Variants in FOCAD observed in about 807,000 individuals in gnomAD.
FOCAD encodes the protein focadhesin.
A neutral mutation model predicts 225.6 loss-of-function variants in FOCAD; 198 were observed. The observed-to-expected ratio is 0.88, with a 90% CI of 0.78 to 0.99. The LOEUF is 0.99. Among genes scored for constraint, FOCAD ranks in the 50% least tolerant of loss-of-function variants. The probability of loss-of-function intolerance (pLI) is 0.00; values close to 1 mark genes in which losing one functional copy is unlikely to be tolerated. For synonymous variants in FOCAD, 897 were observed against 755.0 expected, an observed-to-expected ratio of 1.19 and a Z score of -3.08; for missense variants, 2,713 against 2,123.6, an observed-to-expected ratio of 1.28 and a Z score of -5.46.
In FOCAD at chr9:20,974,715, A is replaced by G. The variant is rs955846117; in HGVS notation, c.4133-1705A>G. Reference sequence around the variant, plus strand: ...ATGGCCTCTGCTTCTCCTTTTTCCTATGTTTCTCCTTTCTGTAGCTGTTTT... The same window carrying G: ...ATGGCCTCTGCTTCTCCTTTTTCCTGTGTTTCTCCTTTCTGTAGCTGTTTT... On this transcript the variant is annotated intron_variant, in intron 35 of 43. Transcript: ENST00000338382. Among the ~76,000 whole-genome samples the G allele has an allele frequency of 5.7e-4, 78 of 137,178 alleles. 1 individual carries two copies. Among genetic ancestry groups the G allele is most frequent in the African/African-American group, 2.1e-3 (73 of 35,182 alleles). 90.0% of individuals were successfully genotyped at this position (137,178 alleles called of 152,430 possible).
intron 5 of FOCAD, among the ~76,000 whole-genome samples, chr9:20,756,387 T>A (rs1186556874): frequency 6.6e-6 from 1 of 152,192 alleles, no homozygotes; most frequent in African/African-American, 2.4e-5. Context: ...ATAGATCTAA[T>A]GTACTCTTCT....
At chr9:20,704,478 A>G (rs1273070693) in intron 1 of FOCAD, among the ~76,000 whole-genome samples, 2 of 152,168 alleles carry the variant, frequency 1.3e-5, no homozygotes, top group Non-Finnish European at 2.9e-5. Context: ...TAAACTTGTA[A>G]TCAGTCTATA....
At chr9:20,789,700 A>C (rs758966305) in intron 11 of FOCAD, 92 bp downstream of exon 11, 20 of 1,464,692 alleles carry the variant, frequency 1.4e-5, no homozygotes, top group South Asian at 5.2e-5. Context: ...TTTGCATCAG[A>C]GTTTTAAATT....
At chr9:20,982,538 G>T in intron 39 of FOCAD, 92 bp downstream of exon 39, 1 of 1,042,758 alleles carries the variant, frequency 9.6e-7, no homozygotes, top group Admixed American at 2.0e-5. Flanking sequence ...AGCAAGTTTT[G>T]CTTCATTTTT....
At chr9:20,961,437 C>A (rs570400894) in intron 35 of FOCAD, among the ~76,000 whole-genome samples, 5 of 152,190 alleles carry the variant, frequency 3.3e-5, no homozygotes, top group African/African-American at 1.2e-4. Flanking sequence ...TTTGTACTAT[C>A]CCCAGCCCTG....
intron 11 of FOCAD, among the ~76,000 whole-genome samples, chr9:20,808,500 A>G (rs1400155557): frequency 6.6e-6 from 1 of 152,210 alleles, no homozygotes; most frequent in Non-Finnish European, 1.5e-5. Context: ...TTGCCTAGAA[A>G]GGGGCAGACA....
intron 21 of FOCAD, 129 bp downstream of exon 21, chr9:20,885,359 A>G: frequency 1.1e-6 from 1 of 909,706 alleles, no homozygotes; most frequent in South Asian, 4.4e-5. Context: ...GGCCACCAAA[A>G]TAGTTGACCC....
At chr9:20,676,439 T>C (rs1764162257) in intron 2 of FOCAD, among the ~76,000 whole-genome samples, 1 of 152,186 alleles carries the variant, frequency 6.6e-6, no homozygotes, top group South Asian at 2.1e-4. Flanking sequence ...GAAAATTAGC[T>C]TGTGTGGCAG....
intron 2 of FOCAD, among the ~76,000 whole-genome samples, chr9:20,660,200 G>A (rs1339241520): frequency 6.6e-6 from 1 of 152,172 alleles, no homozygotes; most frequent in East Asian, 1.9e-4. Context: ...AATAATAACA[G>A]CAATAATAGT....
intron 30 of FOCAD, 44 bp downstream of exon 30, chr9:20,946,864 C>G (rs1837234998): frequency 6.2e-7 from 1 of 1,605,394 alleles, no homozygotes; most frequent in African/African-American, 1.3e-5. Context: ...GGGTCTCATG[C>G]TGCTGCTAAG....
intron 5 of FOCAD, among the ~76,000 whole-genome samples, chr9:20,750,485 G>A (rs960861242): frequency 1.3e-5 from 2 of 152,084 alleles, no homozygotes; most frequent in African/African-American, 2.4e-5. Flanking sequence ...TGCCAAAGGA[G>A]GTACAACAAA....
intron 37 of FOCAD, 92 bp from the exon 38 acceptor site, chr9:20,981,334 C>A (rs1169198810): frequency 1.4e-6 from 2 of 1,403,098 alleles, no homozygotes; most frequent in South Asian, 1.3e-5. Flanking sequence ...ATCTCTCAGT[C>A]TACCCTCAAA....
At chr9:20,985,157 G>A (rs1306774935) in intron 39 of FOCAD, among the ~76,000 whole-genome samples, 2 of 152,118 alleles carry the variant, frequency 1.3e-5, no homozygotes, top group Non-Finnish European at 2.9e-5. Flanking sequence ...AACCATATTA[G>A]TGAAACTCAT....
chr9:20,770,290 T>C (rs764436536), intron 8 of FOCAD, 52 bp downstream of exon 8: 2 of 1,462,302 alleles, frequency 1.4e-6, no homozygotes, highest in Non-Finnish European at 1.9e-6. Context: ...AAGAAATACC[T>C]GAGACTTGGT....
At chr9:20,822,427 G>C (rs1203900436) in intron 14 of FOCAD, among the ~76,000 whole-genome samples, 1 of 152,070 alleles carries the variant, frequency 6.6e-6, no homozygotes, top group South Asian at 2.1e-4. Context: ...ATGTGGATTA[G>C]AAAGGAGAGG....
chr9:20,867,273 C>G (rs1305782312), intron 18 of FOCAD, among the ~76,000 whole-genome samples: 1 of 151,944 alleles, frequency 6.6e-6, no homozygotes, highest in Admixed American at 6.6e-5. Flanking sequence ...CTGAGTCACT[C>G]ATAGGGATCA....
intron 11 of FOCAD, among the ~76,000 whole-genome samples, chr9:20,800,023 G>A (rs927024542): frequency 2.0e-5 from 3 of 152,096 alleles, no homozygotes; most frequent in African/African-American, 7.2e-5. Context: ...TCCTTTAGGA[G>A]GCCTTTTAGG....
At chr9:20,820,728 A>G (rs1824232590) in intron 13 of FOCAD, among the ~76,000 whole-genome samples, 1 of 152,124 alleles carries the variant, frequency 6.6e-6, no homozygotes, top group Admixed American at 6.6e-5. Flanking sequence ...AGATTTAGCC[A>G]CTTTCTTCTT....
In FOCAD at chr9:20,882,049, C is replaced by T. The variant is rs1362617379; in HGVS notation, c.2496C>T (p.Gly832=). 2.5e-6 allele frequency: 4 copies of T among 1,612,488 alleles called. No homozygotes were observed. Among genetic ancestry groups the T allele is most frequent in the African/African-American group, 1.3e-5 (1 of 74,730 alleles). The change falls in exon 20 of 44, where the codon GGC becomes GGT. Residue 832 remains glycine, a synonymous_variant. Transcript: ENST00000338382. ...ETNKQPGLKP[G]LAGGMLFCYD... The stretch of plus-strand genomic sequence containing the variant: ...ACAAGCAACCAGGACTGAAACCTGG[C>T]CTTGCAGGTAAGGGTAGTACATAGT...
Sources: gnomAD v4.1 joint callset for allele counts (sites outside exome capture counted in the v4.1 genomes callset) on GRCh38, gnomAD v4.1.1 for gene constraint, MANE v1.5 for transcripts, NCBI Gene and HGNC (gene_info 2026-07-23, HGNC 2026-07-21) for gene names.